Variants in ALDH1L1 observed in about 807,000 individuals in gnomAD.
ALDH1L1 encodes cytosolic 10-formyltetrahydrofolate dehydrogenase.
In ALDH1L1, 68 loss-of-function variants were observed where a neutral mutation model predicts 101.1. The ratio of observed to expected loss-of-function variants is 0.67; its 90% CI spans 0.55 to 0.82. The LOEUF (loss-of-function observed/expected upper bound fraction) is 0.82. Among genes scored for constraint, ALDH1L1 ranks in the 40% least tolerant of loss-of-function variants. ALDH1L1 has a pLI of 0.00. For synonymous variants in ALDH1L1, 486 were observed against 470.8 expected (o/e 1.03, Z -0.42); for missense variants, 1,087 against 1,172.7 (o/e 0.93, Z 1.07).
At chr3:126,150,369 T>G in intron 8 of ALDH1L1, 37 bp downstream of exon 8, 1 of 1,546,954 alleles carries the variant, frequency 6.5e-7, no homozygotes, top group African/African-American at 1.4e-5. Flanking sequence ...CGGCACAACC[T>G]GCCCAACTGG....
At chr3:126,181,051 G>T, upstream of ALDH1L1, 2 of 1,550,084 alleles carry the variant, frequency 1.3e-6, no homozygotes, top group Non-Finnish European at 8.7e-7. Context: ...CTTAGCAGCT[G>T]CGCATCCGGG....
upstream of ALDH1L1, chr3:126,180,943 C>T: frequency 6.2e-7 from 1 of 1,610,562 alleles, no homozygotes; most frequent in Non-Finnish European, 8.5e-7. Flanking sequence ...CCCTCTCTCA[C>T]TCTTGATGGG....
intron 1 of ALDH1L1, among the ~76,000 whole-genome samples, chr3:126,192,903 C>A (rs1314484289): frequency 1.3e-5 from 2 of 152,106 alleles, no homozygotes; most frequent in Non-Finnish European, 2.9e-5. Flanking sequence ...AGGGTCAGAA[C>A]AAATTTATAG....
chr3:126,122,946 T>C (rs925686111), intron 16 of ALDH1L1, among the ~76,000 whole-genome samples: 3 of 152,090 alleles, frequency 2.0e-5, no homozygotes, highest in African/African-American at 7.2e-5. Context: ...AAAAGTAAAA[T>C]GGTAAACCCA....
chr3:126,136,795 G>A lies in ALDH1L1; in HGVS notation c.1313C>T (p.Thr438Ile), dbSNP rs974655386. Residue 438 changes from threonine to isoleucine, a missense_variant, in exon 11 of 23, where the codon ACC (threonine) becomes ATC (isoleucine). Transcript: ENST00000393434. ...GEFVDAEGAK[T>I]SETINPTDGS... The stretch of plus-strand genomic sequence containing the variant: ...ATCGGTGGGATTGATGGTCTCAGAG[G>A]TCTTGGCGCCCTCGGCATCCACGAA... 5 of 1,589,054 alleles carry A rather than the reference G, an allele frequency of 3.1e-6. No individual in the cohort carries two copies. The African/African-American group carries it at 6.7e-5, about 21-fold the overall frequency.
upstream of ALDH1L1, chr3:126,180,727 G>A (rs2081461725): frequency 7.1e-7 from 1 of 1,411,016 alleles, no homozygotes; most frequent in African/African-American, 1.4e-5. Context: ...CTCCGGGCGG[G>A]TCTATAAATG....
intron 9 of ALDH1L1, among the ~76,000 whole-genome samples, chr3:126,141,521 G>T (rs752795098): frequency 7.9e-5 from 12 of 151,958 alleles, no homozygotes; most frequent in Non-Finnish European, 5.9e-5. Context: ...TAATCAAAAT[G>T]GAATGAGACT....
At chr3:126,190,196 T>C (rs543130190) in intron 1 of ALDH1L1, among the ~76,000 whole-genome samples, 2 of 152,298 alleles carry the variant, frequency 1.3e-5, no homozygotes, top group East Asian at 3.9e-4. Flanking sequence ...TGATATCCCA[T>C]CAAGGGTGGA....
At chr3:126,130,165 TC>T in intron 14 of ALDH1L1, 57 bp downstream of exon 14, 2 of 1,514,474 alleles carry the variant, frequency 1.3e-6, no homozygotes, top group Non-Finnish European at 1.8e-6. Flanking sequence ...GTGCTACAGT[TC>T]CGTGTACTGC....
intron 16 of ALDH1L1, among the ~76,000 whole-genome samples, chr3:126,119,868 C>A (rs1286925008): frequency 6.6e-6 from 1 of 152,174 alleles, no homozygotes. Flanking sequence ...CAAGTAAGCA[C>A]CTGAAACAGT....
chr3:126,112,118 C>T (rs972310212), intron 19 of ALDH1L1, among the ~76,000 whole-genome samples: 2 of 151,708 alleles, frequency 1.3e-5, no homozygotes, highest in Non-Finnish European at 2.9e-5. Context: ...CCCAAGGGGA[C>T]TCAGGATGGC....
chr3:126,108,531 C>A (rs1945965792), intron 20 of ALDH1L1, among the ~76,000 whole-genome samples: 1 of 152,224 alleles, frequency 6.6e-6, no homozygotes, highest in African/African-American at 2.4e-5. Context: ...CCCAACCCCA[C>A]CTGCCTCATG....
At chr3:126,178,976 G>T (rs2081419917) in intron 1 of ALDH1L1, among the ~76,000 whole-genome samples, 1 of 151,760 alleles carries the variant, frequency 6.6e-6, no homozygotes, top group African/African-American at 2.4e-5. Flanking sequence ...TTCCCCCCCT[G>T]CAGGGAGGCA....
intron 19 of ALDH1L1, among the ~76,000 whole-genome samples, chr3:126,112,373 C>T (rs1000006942): frequency 1.3e-5 from 2 of 152,148 alleles, no homozygotes; most frequent in Non-Finnish European, 2.9e-5. Flanking sequence ...CTCCAGGGCC[C>T]CTGTCCATGG....
Position 126,158,650 on chromosome 3 carries a change from G to A in ALDH1L1, c.128-11C>T. On this transcript the variant is annotated splice_polypyrimidine_tract_variant and intron_variant, in intron 2 of 22. Transcript: ENST00000393434. ...TCTCAGCTTCCAGACCTGTGGGACG[G>A]TGGATAAGAAACTGGCCCCTCTCCA... 1.9e-6 allele frequency: 3 copies of A among 1,605,832 alleles called. No homozygotes were observed. The highest frequency in any genetic ancestry group is 2.6e-6 in the Non-Finnish European group (3 of 1,173,068).
At chr3:126,185,466 C>A (rs556825269), upstream of ALDH1L1, among the ~76,000 whole-genome samples, 1 of 152,188 alleles carries the variant, frequency 6.6e-6, no homozygotes, top group Non-Finnish European at 1.5e-5. Flanking sequence ...ATGAAGAAAG[C>A]GGGTCTGGGT....
chr3:126,110,181 A>G, intron 19 of ALDH1L1, 72 bp from the exon 20 acceptor site: 1 of 1,578,686 alleles, frequency 6.3e-7, no homozygotes. Context: ...CACCTGACTC[A>G]GCTCTCATGG....
At chr3:126,184,207 A>C (rs2081498824), upstream of ALDH1L1, among the ~76,000 whole-genome samples, 1 of 152,198 alleles carries the variant, frequency 6.6e-6, no homozygotes, top group Non-Finnish European at 1.5e-5. Flanking sequence ...TCTCTGAACG[A>C]GTCCCACTGA....
intron 18 of ALDH1L1, 101 bp from the exon 19 acceptor site, chr3:126,112,981 C>T (rs1946129922): frequency 2.9e-6 from 3 of 1,023,196 alleles, no homozygotes; most frequent in Non-Finnish European, 1.5e-6. Flanking sequence ...GGAAAGGAGG[C>T]ACCCATGTGT....
Sources: gnomAD v4.1 joint callset for allele counts (sites outside exome capture counted in the v4.1 genomes callset) on GRCh38, gnomAD v4.1.1 for gene constraint, MANE v1.5 for transcripts, NCBI Gene and HGNC (gene_info 2026-07-23, HGNC 2026-07-21) for gene names.